Variants in SLIT2 observed in about 807,000 individuals in gnomAD.
The protein encoded by SLIT2 is slit homolog 2 protein.
Under a neutral mutation model 185.7 loss-of-function variants are expected in SLIT2, and 41 were observed. The observed-to-expected ratio is 0.22, with a 90% CI of 0.17 to 0.29. The LOEUF is 0.29. Ranked by LOEUF, SLIT2 falls within the 10% of genes least tolerant of loss-of-function variation. The probability of loss-of-function intolerance (pLI) is 1.00; values close to 1 mark genes in which losing one functional copy is unlikely to be tolerated. For synonymous variants in SLIT2, 693 were observed against 680.2 expected, an observed-to-expected ratio of 1.02 and a Z score of -0.29; for missense variants, 1,571 against 1,909.0, an observed-to-expected ratio of 0.82 and a Z score of 3.30.
At chr4:20,294,543 A>T (rs929797543) in intron 4 of SLIT2, among the ~76,000 whole-genome samples, 1 of 152,146 alleles carries the variant, frequency 6.6e-6, no homozygotes, top group Admixed American at 6.6e-5. Context: ...CTCCGGTTAC[A>T]CTTAGAAAGT....
intron 4 of SLIT2, among the ~76,000 whole-genome samples, chr4:20,463,460 TATATATATATATA>T (rs1254617249): frequency 1.4e-4 from 9 of 62,206 alleles, no homozygotes; most frequent in African/African-American, 3.1e-4. Context: ...TATATATATA[TATATATATATATA>T]TATATATATA....
rs757212025 is a variant in SLIT2 at position 20,598,363 on chromosome 4, C to T, written c.3660C>T (p.Asp1220=). 3.1e-6 allele frequency: 5 copies of T among 1,614,112 alleles called. No individual in the cohort carries two copies. Among genetic ancestry groups the T allele is most frequent in the Non-Finnish European group, 4.2e-6 (5 of 1,179,976 alleles). Residue 1220 remains aspartate (D), a synonymous_variant, in exon 33 of 37, where the codon GAC becomes GAT. Transcript: ENST00000504154. Reference sequence around the variant, plus strand: ...GGGGGCGTGTTCGTGCCAGCTATGACACCGGCTCTCATCCAGCTTCTGCCA... The same window carrying T: ...GGGGGCGTGTTCGTGCCAGCTATGATACCGGCTCTCATCCAGCTTCTGCCA... ...LYRGRVRASY[D]TGSHPASAIY...
At chr4:20,358,824 A>G (rs970992723) in intron 4 of SLIT2, among the ~76,000 whole-genome samples, 1 of 152,168 alleles carries the variant, frequency 6.6e-6, no homozygotes, top group East Asian at 1.9e-4. Flanking sequence ...GGGCAGATAA[A>G]CATGAGATGC....
chr4:20,510,499 T>C lies in SLIT2; in HGVS notation c.919T>C (p.Leu307=), dbSNP rs778800363. 2.8e-5 allele frequency: 45 copies of C among 1,609,382 alleles called. No homozygotes were observed. The highest frequency in any genetic ancestry group is 6.7e-5 in the Admixed American group (4 of 59,914). The change falls in exon 10 of 37, where the codon TTG becomes CTG. Residue 307 remains leucine, a synonymous_variant. Transcript: ENST00000504154. The part of the protein sequence containing the change: ...NLPETITEIR[L]EQNTIKVIPP... ...TTGAATTTTTTTTCATTGCAGACGT[T>C]TGGAACAGAACACAATCAAAGTCAT...
At chr4:20,423,511 G>A (rs558550618) in intron 4 of SLIT2, among the ~76,000 whole-genome samples, 92 of 151,476 alleles carry the variant, frequency 6.1e-4, no homozygotes, top group East Asian at 2.3e-3. Flanking sequence ...CAAATTTGTC[G>A]TTTAGGATTT....
chr4:20,437,204 C>T (rs114677712), intron 4 of SLIT2, among the ~76,000 whole-genome samples: 2,436 of 152,182 alleles, frequency 0.016, 66 homozygotes, highest in African/African-American at 0.052. Flanking sequence ...GATGTCTGCT[C>T]GGCAGAATCT....
intron 29 of SLIT2, among the ~76,000 whole-genome samples, chr4:20,587,677 G>A (rs950600468): frequency 2.0e-5 from 3 of 152,028 alleles, no homozygotes; most frequent in African/African-American, 4.8e-5. Flanking sequence ...TCTTTCCCTA[G>A]CTCAAGACTT....
chr4:20,507,651 A>G (rs559104745), intron 9 of SLIT2, among the ~76,000 whole-genome samples: 1 of 151,780 alleles, frequency 6.6e-6, no homozygotes, highest in East Asian at 1.9e-4. Context: ...GACATTAAAT[A>G]TTTATAGGGT....
chr4:20,328,941 A>T (rs1037780401), intron 4 of SLIT2, among the ~76,000 whole-genome samples: 1 of 152,012 alleles, frequency 6.6e-6, no homozygotes, highest in Non-Finnish European at 1.5e-5. Flanking sequence ...AAGTGGGGAG[A>T]GAAGAGAAAG....
chr4:20,489,608 AC>A (rs1717591671), intron 8 of SLIT2, among the ~76,000 whole-genome samples: 1 of 151,770 alleles, frequency 6.6e-6, no homozygotes, highest in Admixed American at 6.6e-5. Flanking sequence ...ACATGGCAAA[AC>A]CCCGTCCTTT....
At position 20,511,596 on chromosome 4, in the gene SLIT2, T is replaced by TTTTTTTTTATTA. The variant is rs1220710184; in HGVS notation, c.1058+466_1058+467insTATTATTTTTTT. 8.7e-5 allele frequency among the ~76,000 whole-genome samples: 12 copies of TTTTTTTTTATTA among 138,574 alleles called. 1 individual carries two copies. Among genetic ancestry groups the TTTTTTTTTATTA allele is most frequent in the African/African-American group, 2.7e-4 (10 of 37,182 alleles). The allele number at this position is 138,574 out of a possible 152,430, so 90.9% of individuals were successfully genotyped here. On this transcript the variant is annotated intron_variant, in intron 11 of 36. Coordinates refer to ENST00000504154, the MANE Select transcript of SLIT2 (RefSeq NM_004787.4). ...CCACCACATCCAGCTAATTTTTTTTTTTTTTTTATTTTTGGTAGAGATGGA... is the reference window on the plus strand; with the variant it reads ...CCACCACATCCAGCTAATTTTTTTTTTTTTTTTTATTATTTTTTTATTTTTGGTAGAGATGGA...
chr4:20,490,399 AC>A (rs60215519), intron 8 of SLIT2, among the ~76,000 whole-genome samples: 36,332 of 151,610 alleles, frequency 0.24, 5,128 homozygotes, highest in African/African-American at 0.4. Context: ...GCACACACAC[AC>A]CCCCATACAT....
intron 5 of SLIT2, among the ~76,000 whole-genome samples, chr4:20,478,225 A>G (rs1324200514): frequency 6.6e-6 from 1 of 152,202 alleles, no homozygotes; most frequent in Admixed American, 6.6e-5. Context: ...TTGCCCCTTC[A>G]TATGAGTAAC....
intron 4 of SLIT2, among the ~76,000 whole-genome samples, chr4:20,334,891 A>G (rs1560327360): frequency 6.6e-6 from 1 of 152,228 alleles, no homozygotes; most frequent in Non-Finnish European, 1.5e-5. Context: ...GTCTTGACAT[A>G]GAATCCAGCA....
chr4:20,506,685 A>G (rs567383112), intron 9 of SLIT2, among the ~76,000 whole-genome samples: 5 of 152,092 alleles, frequency 3.3e-5, no homozygotes, highest in African/African-American at 9.6e-5. Context: ...AAACCCCTTT[A>G]TTCTAAAGAC....
At position 20,302,841 on chromosome 4, in the gene SLIT2, T is replaced by G. The variant is rs115146601; in HGVS notation, c.395+33960T>G. Among the ~76,000 whole-genome samples, 553 of 152,318 alleles carry G rather than the reference T, an allele frequency of 3.6e-3. 4 individuals carry two copies. The highest frequency in any genetic ancestry group is 0.012 in the African/African-American group (509 of 41,578). ...ACCTTGAACTCAGTGGTTTAGTGAA[T>G]TACACAGTTGTTTGTATCTGATTGT... On this transcript the variant is annotated intron_variant, in intron 4 of 36. Transcript: ENST00000504154.
chr4:20,569,128 C>A (rs1474306541), intron 29 of SLIT2, 124 bp downstream of exon 29: 4 of 810,418 alleles, frequency 4.9e-6, no homozygotes, highest in Non-Finnish European at 8.2e-6. Flanking sequence ...TCTTGAAAAT[C>A]AGATGTAATG....
At chr4:20,339,374 T>C (rs1720777552) in intron 4 of SLIT2, among the ~76,000 whole-genome samples, 1 of 152,118 alleles carries the variant, frequency 6.6e-6, no homozygotes, top group Admixed American at 6.5e-5. Flanking sequence ...TACACAGTAA[T>C]TGAACACACT....
At chr4:20,480,009 G>A (rs981373112) in intron 5 of SLIT2, among the ~76,000 whole-genome samples, 4 of 152,134 alleles carry the variant, frequency 2.6e-5, no homozygotes, top group African/African-American at 7.2e-5. Context: ...ATTTTCTGGA[G>A]AGCGATATAA....
Sources: allele counts gnomAD v4.1 joint callset (sites outside exome capture counted in the v4.1 genomes callset), GRCh38; gene constraint gnomAD v4.1.1; transcripts MANE v1.5; gene names NCBI Gene and HGNC (gene_info 2026-07-23, HGNC 2026-07-21).